Variants in CSMD1 observed in about 807,000 individuals in gnomAD.
The protein encoded by CSMD1 is CUB and Sushi multiple domains 1, also known as CUB and sushi domain-containing protein 1.
In CSMD1, 213 loss-of-function variants were observed where a neutral mutation model predicts 417.5. That is an observed-to-expected ratio of 0.51 (90% CI 0.46 to 0.57). The LOEUF (loss-of-function observed/expected upper bound fraction) is 0.57, where lower values mean the gene tolerates loss of function less well. CSMD1 is among the 20% of genes least tolerant of loss of function. The pLI is 0.00. For synonymous variants in CSMD1, 2,862 were observed against 1,736.8 expected (o/e 1.65, Z -16.11); for missense variants, 6,923 against 4,529.7 (o/e 1.53, Z -15.17).
rs1028194705 is a variant in CSMD1 at position 4,994,751 on chromosome 8, G to C, written c.-335C>G. The C allele has an allele frequency of 3.4e-6, 1 of 291,200 alleles. No individual in the cohort carries two copies. The highest frequency in any genetic ancestry group is 6.4e-6 in the Non-Finnish European group (1 of 155,844). 18.0% of individuals were successfully genotyped at this position (291,200 alleles called of 1,614,324 possible). A position where few individuals can be genotyped will look rare whatever the true frequency, so the allele number is the denominator to read the frequency against. On this transcript the variant is annotated 5_prime_UTR_variant, in exon 1 of 70. Transcript: ENST00000635120. ...GGGGGAGAAGCGGGGAGAGGAGCGC[G>C]CGCAGCCAGGAGAGACCTGGAGAGG...
intron 3 of CSMD1, among the ~76,000 whole-genome samples, chr8:4,143,134 A>G (rs972758732): frequency 2.8e-5 from 3 of 107,088 alleles, no homozygotes; most frequent in African/African-American, 6.7e-5. Context: ...TGGAATTAGC[A>G]TTTCTAGAGA....
intron 21 of CSMD1, among the ~76,000 whole-genome samples, chr8:3,352,383 C>G (rs1808478738): frequency 6.6e-6 from 1 of 152,146 alleles, no homozygotes; most frequent in African/African-American, 2.4e-5. Flanking sequence ...TGACTTGTGA[C>G]ACAAATTCTA....
chr8:4,175,020 C>T (rs888749857), intron 3 of CSMD1, among the ~76,000 whole-genome samples: 1 of 151,614 alleles, frequency 6.6e-6, no homozygotes, highest in African/African-American at 2.4e-5. Flanking sequence ...CTCTTTTCCA[C>T]TTTAAGTATA....
chr8:4,305,779 T>G (rs1030707025), intron 3 of CSMD1, among the ~76,000 whole-genome samples: 1 of 152,096 alleles, frequency 6.6e-6, no homozygotes, highest in East Asian at 1.9e-4. Context: ...AAATTTCACT[T>G]CACAAAAGTG....
At chr8:3,528,406 G>A (rs935480510) in intron 10 of CSMD1, among the ~76,000 whole-genome samples, 4 of 152,156 alleles carry the variant, frequency 2.6e-5, no homozygotes, top group African/African-American at 4.8e-5. Flanking sequence ...CACTCGTGGG[G>A]GAAGGAGGAT....
At chr8:3,856,752 C>A (rs1380502365) in intron 5 of CSMD1, among the ~76,000 whole-genome samples, 3 of 152,136 alleles carry the variant, frequency 2.0e-5, no homozygotes, top group Non-Finnish European at 2.9e-5. Flanking sequence ...TTTCCTTTGC[C>A]ATGGTGTCTT....
chr8:3,234,189 T>A (rs555350173), intron 26 of CSMD1, among the ~76,000 whole-genome samples: 1 of 152,318 alleles, frequency 6.6e-6, no homozygotes. Flanking sequence ...CTTCCTAGCT[T>A]CACAATCTCT....
intron 5 of CSMD1, among the ~76,000 whole-genome samples, chr8:3,944,531 T>G (rs543517575): frequency 6.6e-6 from 1 of 152,256 alleles, no homozygotes; most frequent in African/African-American, 2.4e-5. Context: ...GAGTTTTAAT[T>G]ACCACACATA....
At position 3,013,748 on chromosome 8, in the gene CSMD1, G is replaced by GAA. The variant is rs753380315; in HGVS notation, c.8029+4727_8029+4728dup. ...CCTGGGCAACTGAGACTCCATCTCA[G>GAA]AAAAAAAAAAAAAAAATTCCAAACA... On this transcript the variant is annotated intron_variant, in intron 52 of 69. Transcript: ENST00000635120. Among the ~76,000 whole-genome samples, 1,012 of 119,744 alleles carry GAA rather than the reference G, an allele frequency of 8.5e-3. 12 individuals carry two copies. The highest frequency in any genetic ancestry group is 0.029 in the African/African-American group (972 of 34,002). The allele number at this position is 119,744 out of a possible 152,430, so 78.6% of individuals were successfully genotyped here.
rs986654380 is a variant in CSMD1, at chr8:4,097,699, C to T, written c.416-65600G>A. Among the ~76,000 whole-genome samples the T allele has an allele frequency of 2.6e-5, 4 of 152,284 alleles. No individual in the cohort carries two copies. In the East Asian group the frequency reaches 7.7e-4, roughly 29 times the overall value. ...ACAGTGAATTTTAGCCCTTGGAATT[C>T]AGAAAGAACATTCAACATAAGGTTA... On this transcript the variant is annotated intron_variant, in intron 3 of 69. Transcript: ENST00000635120.
chr8:3,056,358 G>A (rs1406339727), intron 49 of CSMD1, among the ~76,000 whole-genome samples: 5 of 152,046 alleles, frequency 3.3e-5, no homozygotes, highest in Admixed American at 1.3e-4. Context: ...GGCTTAAAAC[G>A]TTTCTCTGTT....
chr8:3,316,449 C>A (rs966503220), intron 23 of CSMD1, among the ~76,000 whole-genome samples: 3 of 152,056 alleles, frequency 2.0e-5, no homozygotes, highest in African/African-American at 4.8e-5. Flanking sequence ...TAAAACAACA[C>A]GATGAATGCT....
intron 1 of CSMD1, among the ~76,000 whole-genome samples, chr8:4,656,398 G>A (rs542087285): frequency 6.6e-6 from 1 of 152,032 alleles, no homozygotes; most frequent in South Asian, 2.1e-4. Context: ...TCAGTAAAGT[G>A]GGGACACTTT....
intron 10 of CSMD1, among the ~76,000 whole-genome samples, chr8:3,551,427 C>G (rs960288203): frequency 6.6e-6 from 1 of 152,056 alleles, no homozygotes; most frequent in African/African-American, 2.4e-5. Flanking sequence ...CTGGAATTAA[C>G]TAATCTGCAC....
intron 19 of CSMD1, 133 bp from the exon 20 acceptor site, chr8:3,367,380 G>C: frequency 1.6e-6 from 1 of 632,548 alleles, no homozygotes; most frequent in South Asian, 1.9e-5. Context: ...GAAAATAAGA[G>C]GGGAAGACAG....
intron 3 of CSMD1, among the ~76,000 whole-genome samples, chr8:4,160,005 A>G (rs988708358): frequency 1.3e-5 from 2 of 152,050 alleles, no homozygotes; most frequent in Non-Finnish European, 2.9e-5. Context: ...TGCTCTGGTG[A>G]TGGGTGCACC....
chr8:3,491,795 G>T (rs991887335), intron 11 of CSMD1, among the ~76,000 whole-genome samples: 2 of 152,196 alleles, frequency 1.3e-5, no homozygotes, highest in Non-Finnish European at 2.9e-5. Flanking sequence ...GCTACCCGGG[G>T]CAAGATTCCT....
chr8:3,718,575 C>T (rs528013954), intron 6 of CSMD1, among the ~76,000 whole-genome samples: 1 of 152,048 alleles, frequency 6.6e-6, no homozygotes, highest in Non-Finnish European at 1.5e-5. Flanking sequence ...AATAGCAGCA[C>T]TAAATTAAAA....
chr8:3,753,538 G>A (rs910634438), intron 6 of CSMD1, among the ~76,000 whole-genome samples: 3 of 152,180 alleles, frequency 2.0e-5, no homozygotes, highest in Non-Finnish European at 2.9e-5. Context: ...GATTAAAAGT[G>A]ATATTACAAT....
Sources: gnomAD v4.1 joint callset for allele counts (sites outside exome capture counted in the v4.1 genomes callset) on GRCh38, gnomAD v4.1.1 for gene constraint, MANE v1.5 for transcripts, NCBI Gene and HGNC (gene_info 2026-07-23, HGNC 2026-07-21) for gene names.